The following SORBS2 variants were observed in gnomAD, a reference collection of about 807,000 sequenced individuals.
The protein encoded by SORBS2 is sorbin and SH3 domain-containing protein 2.
In SORBS2, 46 loss-of-function variants were observed where a neutral mutation model predicts 97.7. The ratio of observed to expected loss-of-function variants is 0.47; its 90% CI spans 0.37 to 0.60. The LOEUF (loss-of-function observed/expected upper bound fraction) is 0.60. Ranked by LOEUF, SORBS2 falls within the 20% of genes least tolerant of loss-of-function variation. SORBS2 has a pLI of 0.00. For missense variants in SORBS2, 1,316 were observed against 1,282.3 expected, an observed-to-expected ratio of 1.03 and a Z score of -0.40; for synonymous variants, 476 against 473.4, an observed-to-expected ratio of 1.01 and a Z score of -0.07.
At chr4:185,806,362 C>A (rs2099153337) in intron 1 of SORBS2, among the ~76,000 whole-genome samples, 1 of 151,496 alleles carries the variant, frequency 6.6e-6, no homozygotes, top group Non-Finnish European at 1.5e-5. Context: ...AAAACACTTG[C>A]CATTCTTCAT....
intron 1 of SORBS2, among the ~76,000 whole-genome samples, chr4:185,940,523 A>G (rs1372351196): frequency 1.3e-5 from 2 of 152,042 alleles, no homozygotes; most frequent in African/African-American, 4.8e-5. Flanking sequence ...TCCGCTCCAC[A>G]CCAGCTTTCC....
chr4:185,631,397 A>T (rs374236422), intron 4 of SORBS2, among the ~76,000 whole-genome samples: 40 of 152,266 alleles, frequency 2.6e-4, no homozygotes, highest in African/African-American at 8.9e-4. Context: ...AATTGCTAAA[A>T]TATCTAAAAG....
At chr4:185,673,680 C>T (rs1467528594) in intron 4 of SORBS2, among the ~76,000 whole-genome samples, 1 of 152,142 alleles carries the variant, frequency 6.6e-6, no homozygotes, top group Non-Finnish European at 1.5e-5. Flanking sequence ...AAAACTGCTG[C>T]TCGGGGAGGG....
intron 1 of SORBS2, among the ~76,000 whole-genome samples, chr4:185,884,216 T>G (rs1194546497): frequency 6.6e-6 from 1 of 152,240 alleles, no homozygotes; most frequent in Non-Finnish European, 1.5e-5. Flanking sequence ...GACTATAAAA[T>G]TAAATTGGCA....
chr4:185,874,109 ATTG>A (rs1457268986), intron 1 of SORBS2, among the ~76,000 whole-genome samples: 12 of 152,196 alleles, frequency 7.9e-5, no homozygotes, highest in Non-Finnish European at 1.6e-4. Flanking sequence ...TGTCCATCAT[ATTG>A]TTGTTAATAA....
chr4:185,757,016 G>A lies in SORBS2; in HGVS notation c.-198+18211C>T, dbSNP rs923500973. The A allele has an allele frequency of 2.1e-5, 21 of 1,008,668 alleles. No individual in the cohort carries two copies. The African/African-American group carries it at 2.7e-4, about 13-fold the overall frequency. The allele number at this position is 1,008,668 out of a possible 1,614,324, so 62.5% of individuals were successfully genotyped here. On this transcript the variant is annotated intron_variant, in intron 2 of 20. Transcript: ENST00000284776. ...TAACCAATTCTGCTATCACAAAGAC[G>A]TGAGTGGCATCAATGTCTTGCATGA...
chr4:185,936,131 T>C (rs766189857), intron 1 of SORBS2, among the ~76,000 whole-genome samples: 2 of 152,256 alleles, frequency 1.3e-5, no homozygotes, highest in Non-Finnish European at 2.9e-5. Context: ...ACTACTGAGA[T>C]GACAGGCGTG....
intron 1 of SORBS2, among the ~76,000 whole-genome samples, chr4:185,867,140 T>C (rs917531855): frequency 6.6e-6 from 1 of 151,948 alleles, no homozygotes; most frequent in African/African-American, 2.4e-5. Flanking sequence ...GCCTCCTGAG[T>C]AGCTGGGATT....
At chr4:185,924,622 C>T (rs1278804545) in intron 1 of SORBS2, among the ~76,000 whole-genome samples, 2 of 152,130 alleles carry the variant, frequency 1.3e-5, no homozygotes, top group East Asian at 3.9e-4. Flanking sequence ...CCTGCATTTG[C>T]ATATTAAAAG....
intron 2 of SORBS2, among the ~76,000 whole-genome samples, chr4:185,708,259 A>G (rs1566349): frequency 0.76 from 115,597 of 152,198 alleles, 45,282 homozygotes; most frequent in East Asian, 0.86. Context: ...TAAGCATGTC[A>G]TTCCTTAAGT....
intron 2 of SORBS2, chr4:185,772,176 G>A (rs140077039): frequency 9.9e-4 from 150 of 151,958 alleles, no homozygotes; most frequent in African/African-American, 3.5e-3. Flanking sequence ...CTACTACCCC[G>A]ACCCAGAAAA....
chr4:185,624,255 G>C, exon 7 of SORBS2: 1 of 1,614,214 alleles, frequency 6.2e-7, no homozygotes, highest in East Asian at 2.2e-5. Context: ...TCGTCGTTTA[G>C]GAGATCGTCA....
intron 4 of SORBS2, among the ~76,000 whole-genome samples, chr4:185,640,668 A>G (rs2097111438): frequency 6.6e-6 from 1 of 152,186 alleles, no homozygotes; most frequent in Admixed American, 6.5e-5. Context: ...ATTAATTGAG[A>G]TTTTAATGTC....
At chr4:185,600,812 T>TAACA (rs145566196) in intron 12 of SORBS2, among the ~76,000 whole-genome samples, 19,106 of 152,068 alleles carry the variant, frequency 0.13, 1,359 homozygotes, top group East Asian at 0.21. Flanking sequence ...CAAAATTTTC[T>TAACA]AACACATAAG....
chr4:185,702,649 T>C lies in SORBS2; in HGVS notation c.-197-23827A>G, dbSNP rs143961758. 7.9e-3 allele frequency among the ~76,000 whole-genome samples: 1,133 copies of C among 144,146 alleles called. 14 individuals are homozygous for C. Among genetic ancestry groups the C allele is most frequent in the African/African-American group, 0.026 (1,080 of 41,130 alleles). The allele number at this position is 144,146 out of a possible 152,430, so 94.6% of individuals were successfully genotyped here. ...GGGACTTCCAGGTATGTGCTCTTAATGTTACATGACTTTTTTTTTTTTTAT... is the reference window on the plus strand; with the variant it reads ...GGGACTTCCAGGTATGTGCTCTTAACGTTACATGACTTTTTTTTTTTTTAT... On this transcript the variant is annotated intron_variant, in intron 2 of 20. Transcript: ENST00000284776.
chr4:185,891,393 A>G (rs1296931373), intron 1 of SORBS2, among the ~76,000 whole-genome samples: 1 of 152,200 alleles, frequency 6.6e-6, no homozygotes, highest in Non-Finnish European at 1.5e-5. Flanking sequence ...TGCAAAACTA[A>G]TACAAGAACA....
At chr4:185,740,861 C>CAACTCGAACCAGCACT in intron 2 of SORBS2, among the ~76,000 whole-genome samples, 1 of 150,552 alleles carries the variant, frequency 6.6e-6, no homozygotes, top group Non-Finnish European at 1.5e-5. Context: ...AGATCAGCAC[C>CAACTCGAACCAGCACT]AACTCGAACC....
At position 185,623,405 on chromosome 4, in the gene SORBS2, A is replaced by T. The variant is rs1247786390; in HGVS notation, c.1724T>A (p.Met575Lys). 6.2e-7 allele frequency: 1 copy of T among 1,611,496 alleles called. No homozygotes were observed. The highest frequency in any genetic ancestry group is 1.3e-5 in the African/African-American group (1 of 74,828). ...GTGTCTGGCTCTTTCGTGTTTTAAC[A>T]TTGTGGTAAATCGAGTGTAGGAGGC... The change falls in exon 7 of 15, where the codon ATG becomes AAG. Residue 575 changes from methionine to lysine, a missense_variant. Coordinates refer to ENST00000418609, the Ensembl canonical transcript of SORBS2. This position sits in a 1 kb window ranked among gnomAD's most constrained non-coding sequence, Gnocchi z 6.4.
chr4:185,640,401 A>T (rs1398201182), intron 4 of SORBS2, among the ~76,000 whole-genome samples: 1 of 152,168 alleles, frequency 6.6e-6, no homozygotes, highest in Non-Finnish European at 1.5e-5. Context: ...TTTCTTTTAA[A>T]TATTATTTTG....
Sources: allele counts gnomAD v4.1 joint callset (sites outside exome capture counted in the v4.1 genomes callset), GRCh38; gene constraint gnomAD v4.1.1; non-coding constraint Gnocchi (gnomAD v3.1); transcripts MANE v1.5; gene names NCBI Gene and HGNC (gene_info 2026-07-23, HGNC 2026-07-21).